The following SYT3 variants were observed in gnomAD, a reference collection of about 807,000 sequenced individuals.
SYT3 encodes the protein synaptotagmin-3.
SYT3 carries 25 observed loss-of-function variants against 50.6 expected under a neutral mutation model. The ratio of observed to expected loss-of-function variants is 0.49; its 90% CI spans 0.36 to 0.69. The LOEUF is 0.69. SYT3 is among the 30% of genes least tolerant of loss of function. The probability of loss-of-function intolerance (pLI) is 0.00; values close to 1 mark genes in which losing one functional copy is unlikely to be tolerated. For missense variants in SYT3, 589 were observed against 793.6 expected (o/e 0.74, Z 3.10); for synonymous variants, 323 against 353.9 (o/e 0.91, Z 0.98).
At position 50,625,782 on chromosome 19, in the gene SYT3, C is replaced by G; in HGVS notation, c.1402+115G>C. 7.0e-6 allele frequency: 4 copies of G among 574,376 alleles called. 2 individuals are homozygous for G. Among genetic ancestry groups the G allele is most frequent in the Non-Finnish European group, 1.2e-5 (4 of 337,448 alleles). 35.6% of individuals were successfully genotyped at this position (574,376 alleles called of 1,614,324 possible). On this transcript the variant is annotated intron_variant, in intron 7 of 10. Coordinates refer to ENST00000600079, the MANE Select transcript of SYT3 (RefSeq NM_001160329.2). This position sits in a 1 kb window ranked among gnomAD's most constrained non-coding sequence, Gnocchi z 7.5. The stretch of plus-strand genomic sequence containing the variant: ...CCCCTCCTCCCTCAGACCCAGGAGT[C>G]CAGATCCCCAGCTCCTCCTCCCTCA...
In SYT3 at chr19:50,632,673, A is replaced by AG; in HGVS notation, c.286dup (p.Leu96ProfsTer49). ...GACACCAGGGCCTAGGTCTTTGCGCAGGGGGCCACCGCCCACTGCCGAGCC... is the reference window on the plus strand; with the variant it reads ...GACACCAGGGCCTAGGTCTTTGCGCAGGGGGGCCACCGCCCACTGCCGAGCC... On this transcript the variant is annotated frameshift_variant, in exon 4 of 11. Coordinates refer to ENST00000600079, the MANE Select transcript of SYT3 (RefSeq NM_001160329.2). LOFTEE classifies it high-confidence loss of function. The surrounding 1 kb of genome is among the most constrained non-coding windows in gnomAD (Gnocchi z 4.7). The AG allele has an allele frequency of 3.1e-6, 5 of 1,589,856 alleles. No individual in the cohort carries two copies. The highest frequency in any genetic ancestry group is 3.4e-6 in the Non-Finnish European group (4 of 1,169,020).
chr19:50,643,795 G>C (rs369925902), upstream of SYT3, among the ~76,000 whole-genome samples: 14 of 152,164 alleles, frequency 9.2e-5, no homozygotes, highest in African/African-American at 3.4e-4. Flanking sequence ...TAGTGGAAGA[G>C]ACAGAAAATA....
chr19:50,650,596 A>G, the SYT3 span, among the ~76,000 whole-genome samples: 482 of 152,248 alleles, frequency 3.2e-3, no homozygotes, highest in Non-Finnish European at 4.2e-3. Context: ...GCTTGAACCC[A>G]GGAGGCAGAG....
Position 50,632,038 on chromosome 19 carries a change from C to T in SYT3, c.674+248G>A, listed in dbSNP as rs374046835. Among the ~76,000 whole-genome samples the T allele has an allele frequency of 2.6e-5, 4 of 152,202 alleles. No homozygotes were observed. The highest frequency in any genetic ancestry group is 9.6e-5 in the African/African-American group (4 of 41,516). On this transcript the variant is annotated intron_variant, in intron 4 of 10. Coordinates refer to ENST00000600079, the MANE Select transcript of SYT3 (RefSeq NM_001160329.2). The surrounding 1 kb of genome is among the most constrained non-coding windows in gnomAD (Gnocchi z 4.7). ...TCCTAAGTCCTGCCCCCAGTCTCCT[C>T]CCTCTGGACCCAGGAATTCAGGCCC...
At chr19:50,640,121 G>A (rs2123027428), upstream of SYT3, among the ~76,000 whole-genome samples, 1 of 152,248 alleles carries the variant, frequency 6.6e-6, no homozygotes, top group East Asian at 1.9e-4. Context: ...GTAGAAGTCC[G>A]GGGACCCCAG....
chr19:50,657,579 C>T, the SYT3 span, among the ~76,000 whole-genome samples: 2 of 150,552 alleles, frequency 1.3e-5, no homozygotes, highest in East Asian at 1.9e-4. Flanking sequence ...AATGCTAATA[C>T]GAATATAAAA....
In SYT3 at chr19:50,632,477, G is replaced by A. The variant is rs150917345; in HGVS notation, c.483C>T (p.Tyr161=). The change falls in exon 4 of 11, where the codon TAC becomes TAT. Residue 161 remains tyrosine, a synonymous_variant. Coordinates refer to ENST00000600079, the MANE Select transcript of SYT3 (RefSeq NM_001160329.2). This position sits in a 1 kb window ranked among gnomAD's most constrained non-coding sequence, Gnocchi z 4.7. ...LGGSDTPEPS[Y]LDMDSYPEAA... ...CCTCTGGATACGAGTCCATGTCCAA[G>A]TAGGAGGGCTCAGGGGTGTCAGAAC... is the stretch of plus-strand genomic sequence containing the variant. 1.0e-3 allele frequency: 1,670 copies of A among 1,613,248 alleles called. No individual in the cohort carries two copies. Among genetic ancestry groups the A allele is most frequent in the Non-Finnish European group, 1.3e-3 (1,561 of 1,179,826 alleles).
At chr19:50,656,238 G>A in the SYT3 span, 1 of 1,536,122 alleles carries the variant, frequency 6.5e-7, no homozygotes, top group Non-Finnish European at 8.7e-7. Flanking sequence ...AGCAGTACCT[G>A]CGGCAGGTCA....
chr19:50,625,580 A>C lies in SYT3; in HGVS notation c.1403-16T>G, dbSNP rs770043997. On this transcript the variant is annotated splice_polypyrimidine_tract_variant and intron_variant, in intron 7 of 10. Coordinates refer to ENST00000600079, the MANE Select transcript of SYT3 (RefSeq NM_001160329.2). The surrounding 1 kb of genome is among the most constrained non-coding windows in gnomAD (Gnocchi z 7.5). ...ACGTAGGGGTCTGGGAACAGCAATG[A>C]AGTAAGGAACAGAGACTCACTCCCT... 8 of 1,563,144 alleles carry C rather than the reference A, an allele frequency of 5.1e-6. No homozygotes were observed. The Admixed American group carries it at 9.6e-5, about 19-fold the overall frequency.
intron 6 of SYT3, among the ~76,000 whole-genome samples, chr19:50,626,301 A>G (rs1358250771): frequency 6.6e-6 from 1 of 152,022 alleles, no homozygotes; most frequent in Non-Finnish European, 1.5e-5. Context: ...GAGAGAAAAC[A>G]CAAAGAGAAA....
At chr19:50,650,003 T>A in the SYT3 span, among the ~76,000 whole-genome samples, 1 of 152,040 alleles carries the variant, frequency 6.6e-6, no homozygotes, top group Non-Finnish European at 1.5e-5. Context: ...TTCCTCTCTG[T>A]CCCCGCAGCC....
At chr19:50,636,149 G>A (rs112554216) in intron 3 of SYT3, among the ~76,000 whole-genome samples, 223 of 152,236 alleles carry the variant, frequency 1.5e-3, no homozygotes, top group African/African-American at 4.8e-3. Context: ...AGCTACTCTG[G>A]AGGCTGAGGC....
rs775250339 is a variant in SYT3 at position 50,637,306 on chromosome 19, A to G, written c.106T>C (p.Phe36Leu). The G allele has an allele frequency of 2.4e-5, 38 of 1,612,572 alleles. No homozygotes were observed. Among genetic ancestry groups the G allele is most frequent in the Non-Finnish European group, 3.1e-5 (37 of 1,179,606 alleles). Reference protein sequence around the residue: ...DADTNDRCQEFNDRIRGYPRG... With the variant: ...DADTNDRCQELNDRIRGYPRG... The stretch of plus-strand genomic sequence containing the variant: ...GGATAGCCTCGGATTCGGTCATTGA[A>G]CTCCTGGCACCTGTCGTTGGTGTCA... The change falls in exon 3 of 11, where the codon TTC (phenylalanine) becomes CTC (leucine). Residue 36 changes from phenylalanine (F) to leucine (L), a missense_variant. This residue lies in a region of SYT3 where 316 missense variants were observed against 354.3 expected (regional missense o/e 0.89). Coordinates refer to ENST00000600079, the MANE Select transcript of SYT3 (RefSeq NM_001160329.2). This position sits in a 1 kb window ranked among gnomAD's most constrained non-coding sequence, Gnocchi z 4.9.
chr19:50,651,725 GA>G, the SYT3 span, among the ~76,000 whole-genome samples: 1 of 151,430 alleles, frequency 6.6e-6, no homozygotes, highest in African/African-American at 2.4e-5. Flanking sequence ...AAAAAAGCTT[GA>G]AATGGTTGCA....
chr19:50,655,109 G>A, the SYT3 span, among the ~76,000 whole-genome samples: 1 of 152,330 alleles, frequency 6.6e-6, no homozygotes, highest in African/African-American at 2.4e-5. Flanking sequence ...ATTGGTGAGA[G>A]CATGGTCACA....
the SYT3 span, chr19:50,657,849 G>A: frequency 2.7e-6 from 3 of 1,116,654 alleles, no homozygotes; most frequent in East Asian, 2.7e-5. Flanking sequence ...CAGTACCCTG[G>A]GATTAAGAGC....
the SYT3 span, among the ~76,000 whole-genome samples, chr19:50,650,621 A>G: frequency 3.9e-5 from 6 of 152,152 alleles, no homozygotes; most frequent in African/African-American, 1.4e-4. Flanking sequence ...CAGCGAGCCA[A>G]GATTGTGCCA....
the SYT3 span, among the ~76,000 whole-genome samples, chr19:50,650,107 C>G: frequency 6.6e-6 from 1 of 152,186 alleles, no homozygotes; most frequent in Non-Finnish European, 1.5e-5. Context: ...TCCATGGCTC[C>G]AGAGAGGTCT....
Position 50,625,806 on chromosome 19 carries a change from C to G in SYT3, c.1402+91G>C. ...TCCAGATCCCCAGCTCCTCCTCCCT[C>G]AGACCCAGGAGTCCAGGCCCCTGGC... On this transcript the variant is annotated intron_variant, in intron 7 of 10. Transcript: ENST00000600079. The surrounding 1 kb of genome is among the most constrained non-coding windows in gnomAD (Gnocchi z 7.5). 1.5e-6 allele frequency: 1 copy of G among 681,086 alleles called. No individual in the cohort carries two copies. The highest frequency in any genetic ancestry group is 2.4e-6 in the Non-Finnish European group (1 of 414,968). 42.2% of individuals were successfully genotyped at this position (681,086 alleles called of 1,614,324 possible).
Sources: gnomAD v4.1 joint callset for allele counts (sites outside exome capture counted in the v4.1 genomes callset) on GRCh38, gnomAD v4.1.1 for gene constraint, gnomAD v4.1.1 regional missense constraint, Gnocchi (gnomAD v3.1) non-coding constraint, MANE v1.5 for transcripts, NCBI Gene and HGNC (gene_info 2026-07-23, HGNC 2026-07-21) for gene names.